PRR5L: variants seen among roughly 807,000 people sequenced by gnomAD.
PRR5L encodes the protein proline-rich protein 5-like.
PRR5L carries 21 observed loss-of-function variants against 36.4 expected under a neutral mutation model. That is an observed-to-expected ratio of 0.58 (90% CI 0.41 to 0.83). The LOEUF is 0.83. Ranked by LOEUF, PRR5L falls within the 40% of genes least tolerant of loss-of-function variation. PRR5L has a pLI of 0.00. For synonymous variants in PRR5L, 188 were observed against 197.0 expected (o/e 0.95, Z 0.38); for missense variants, 381 against 473.3 (o/e 0.80, Z 1.81).
chr11:36,359,602 A>C (rs1857064035), intron 1 of PRR5L, among the ~76,000 whole-genome samples: 1 of 152,242 alleles, frequency 6.6e-6, no homozygotes, highest in African/African-American at 2.4e-5. Context: ...AAACGTAGAA[A>C]ATAACAGATA....
intron 3 of PRR5L, among the ~76,000 whole-genome samples, chr11:36,417,507 TGA>T (rs1399246653): frequency 6.7e-6 from 1 of 148,950 alleles, no homozygotes; most frequent in Non-Finnish European, 1.5e-5. Flanking sequence ...TGCCCACATC[TGA>T]GAGAACTCCT....
intron 4 of PRR5L, among the ~76,000 whole-genome samples, chr11:36,421,108 T>G (rs1016390940): frequency 6.6e-6 from 1 of 152,230 alleles, no homozygotes; most frequent in Admixed American, 6.5e-5. Context: ...TGATTTTTTT[T>G]AAAGCTAACT....
intron 4 of PRR5L, among the ~76,000 whole-genome samples, chr11:36,429,168 C>A (rs536504078): frequency 7.9e-4 from 121 of 152,228 alleles, no homozygotes; most frequent in Non-Finnish European, 1.5e-3. Context: ...ATGTAATTTT[C>A]AAATGATTTT....
At chr11:36,422,610 C>T (rs965812735) in intron 4 of PRR5L, among the ~76,000 whole-genome samples, 1 of 152,164 alleles carries the variant, frequency 6.6e-6, no homozygotes, top group Non-Finnish European at 1.5e-5. Context: ...TTCTCATTTA[C>T]ATTCTGTGAG....
At chr11:36,371,515 G>A (rs1857197026) in intron 1 of PRR5L, among the ~76,000 whole-genome samples, 1 of 152,230 alleles carries the variant, frequency 6.6e-6, no homozygotes. Context: ...ACACGGCTGG[G>A]AGATCTACTT....
intron 3 of PRR5L, among the ~76,000 whole-genome samples, chr11:36,403,633 T>C (rs944444775): frequency 1.3e-5 from 2 of 152,186 alleles, no homozygotes; most frequent in Non-Finnish European, 2.9e-5. Flanking sequence ...AGTTGATAGA[T>C]GGCAGCTGTC....
intron 1 of PRR5L, among the ~76,000 whole-genome samples, chr11:36,363,382 T>C (rs1857112990): frequency 6.6e-6 from 1 of 152,246 alleles, no homozygotes. Flanking sequence ...CTCATATCTT[T>C]CTTTCCAGAT....
chr11:36,390,033 A>G (rs1423510429), intron 1 of PRR5L, among the ~76,000 whole-genome samples: 4 of 152,158 alleles, frequency 2.6e-5, no homozygotes, highest in African/African-American at 4.8e-5. Context: ...AGCCCTGGGG[A>G]TGTACCTGAG....
chr11:36,433,760 G>A (rs1273241464), intron 5 of PRR5L, among the ~76,000 whole-genome samples: 2 of 152,158 alleles, frequency 1.3e-5, no homozygotes, highest in African/African-American at 4.8e-5. Context: ...GGCCAGGCTG[G>A]TCTCGACTCC....
At chr11:36,430,823 G>A (rs1858477912) in intron 4 of PRR5L, among the ~76,000 whole-genome samples, 1 of 152,226 alleles carries the variant, frequency 6.6e-6, no homozygotes, top group Admixed American at 6.5e-5. Context: ...ATGTAGCTGA[G>A]CTGGAACTTG....
intron 1 of PRR5L, among the ~76,000 whole-genome samples, chr11:36,349,296 A>AG (rs1554986759): frequency 1.3e-5 from 2 of 151,190 alleles, no homozygotes; most frequent in African/African-American, 4.9e-5. Flanking sequence ...AAAAAAAAAA[A>AG]GAAAAATTGA....
chr11:36,334,119 T>G (rs1302256771), intron 1 of PRR5L, among the ~76,000 whole-genome samples: 1 of 152,086 alleles, frequency 6.6e-6, no homozygotes, highest in Non-Finnish European at 1.5e-5. Flanking sequence ...CACTTGGCAA[T>G]TCTTCTCACA....
chr11:36,378,596 A>G (rs1857317274), intron 1 of PRR5L, among the ~76,000 whole-genome samples: 1 of 152,084 alleles, frequency 6.6e-6, no homozygotes, highest in South Asian at 2.1e-4. Context: ...CAAGGGTGGG[A>G]CCTCATTTCT....
chr11:36,395,206 G>C (rs1391851750), intron 1 of PRR5L, among the ~76,000 whole-genome samples: 1 of 152,174 alleles, frequency 6.6e-6, no homozygotes, highest in East Asian at 1.9e-4. Context: ...TCTACCCATA[G>C]GGGACTGGTT....
At chr11:36,343,325 T>C (rs560739728) in intron 1 of PRR5L, among the ~76,000 whole-genome samples, 4 of 152,352 alleles carry the variant, frequency 2.6e-5, no homozygotes, top group Middle Eastern at 3.4e-3. Flanking sequence ...GTATTGTTAG[T>C]GTCTACCCTG....
Position 36,451,350 on chromosome 11 carries a change from T to A in PRR5L, c.712+15T>A, listed in dbSNP as rs1247045122. ...GTACACGCTGGGTAAGGAGTGCAGCTCTCAAGTTGTCAAGAGGCCCAGTGA... is the reference window on the plus strand; with the variant it reads ...GTACACGCTGGGTAAGGAGTGCAGCACTCAAGTTGTCAAGAGGCCCAGTGA... On this transcript the variant is annotated intron_variant, in intron 8 of 8. Transcript: ENST00000530639. 1 of 1,613,674 alleles carries A rather than the reference T, an allele frequency of 6.2e-7. No homozygotes were observed. The highest frequency in any genetic ancestry group is 1.7e-5 in the Admixed American group (1 of 59,984).
At chr11:36,356,701 T>TG (rs1857031574) in intron 1 of PRR5L, among the ~76,000 whole-genome samples, 1 of 152,220 alleles carries the variant, frequency 6.6e-6, no homozygotes, top group Non-Finnish European at 1.5e-5. Context: ...GTAATTGTTT[T>TG]GGGGCACCAC....
intron 1 of PRR5L, chr11:36,394,578 G>A (rs1857619670): frequency 6.6e-6 from 1 of 152,250 alleles, no homozygotes; most frequent in African/African-American, 2.4e-5. Flanking sequence ...CTCTAGGGGG[G>A]AATCTGCTTC....
At chr11:36,306,560 C>T (rs762972146) in intron 1 of PRR5L, among the ~76,000 whole-genome samples, 16 of 152,186 alleles carry the variant, frequency 1.1e-4, no homozygotes, top group Non-Finnish European at 2.1e-4. Flanking sequence ...TATGTACCTA[C>T]TACCTTCGTT....
Sources: gnomAD v4.1 joint callset for allele counts (sites outside exome capture counted in the v4.1 genomes callset) on GRCh38, gnomAD v4.1.1 for gene constraint, MANE v1.5 for transcripts, NCBI Gene and HGNC (gene_info 2026-07-23, HGNC 2026-07-21) for gene names.